Variants in TMPRSS6 observed in about 807,000 individuals in gnomAD.
TMPRSS6 encodes transmembrane protease serine 6.
In TMPRSS6, 67 loss-of-function variants were observed where a neutral mutation model predicts 101.5. That is an observed-to-expected ratio of 0.66 (90% CI 0.54 to 0.81). TMPRSS6 has a LOEUF of 0.81. Among genes scored for constraint, TMPRSS6 ranks in the 30% least tolerant of loss-of-function variants. The pLI is 0.00. For missense variants in TMPRSS6, 1,034 were observed against 1,088.7 expected (o/e 0.95, Z 0.71); for synonymous variants, 453 against 464.9 (o/e 0.97, Z 0.33).
chr22:37,070,420 C>T (rs956877370), intron 15 of TMPRSS6, 64 bp downstream of exon 15: 7 of 1,599,428 alleles, frequency 4.4e-6, no homozygotes, highest in Non-Finnish European at 6.0e-6. Context: ...ACACAGTGCA[C>T]CTCCCACCGG....
intron 10 of TMPRSS6, among the ~76,000 whole-genome samples, chr22:37,078,179 CT>C (rs61271167): frequency 0.2 from 30,285 of 152,134 alleles, 3,139 homozygotes; most frequent in Non-Finnish European, 0.22. Context: ...TGGGGTGTCC[CT>C]TCCCACAGTC....
At chr22:37,107,083 GTGAA>G (rs1321767991) in intron 1 of TMPRSS6, among the ~76,000 whole-genome samples, 1 of 152,268 alleles carries the variant, frequency 6.6e-6, no homozygotes, top group African/African-American at 2.4e-5. Context: ...GAAAGAATGA[GTGAA>G]TGAAACTGCC....
chr22:37,071,601 C>T (rs1031198518), intron 13 of TMPRSS6, among the ~76,000 whole-genome samples: 2 of 152,244 alleles, frequency 1.3e-5, no homozygotes, highest in Non-Finnish European at 2.9e-5. Context: ...TCATATCCTC[C>T]TACTAACAGA....
intron 2 of TMPRSS6, 129 bp from the exon 3 acceptor site, chr22:37,098,678 C>T: frequency 3.3e-6 from 4 of 1,195,326 alleles, no homozygotes; most frequent in Non-Finnish European, 1.2e-6. Context: ...ATGGCACCAT[C>T]AATGTCATCA....
chr22:37,074,135 T>A (rs1927400351), intron 12 of TMPRSS6, among the ~76,000 whole-genome samples: 1 of 152,218 alleles, frequency 6.6e-6, no homozygotes, highest in African/African-American at 2.4e-5. Context: ...AGGTGACTTG[T>A]CCAAGGTCAC....
chr22:37,079,015 A>AAGAG (rs755535186), intron 10 of TMPRSS6, among the ~76,000 whole-genome samples: 15 of 131,014 alleles, frequency 1.1e-4, no homozygotes, highest in African/African-American at 3.6e-4. Context: ...GAAAGAAAGA[A>AAGAG]AGAGAAAGAG....
chr22:37,069,171 G>A lies in TMPRSS6; in HGVS notation c.2015C>T (p.Ser672Leu). 2.5e-6 allele frequency: 4 copies of A among 1,588,034 alleles called. No individual in the cohort carries two copies. Among genetic ancestry groups the A allele is most frequent in the South Asian group, 1.1e-5 (1 of 87,632 alleles). Residue 672 changes from serine (S) to leucine (L), a missense_variant, in exon 16 of 18, where the codon TCG (serine) becomes TTG (leucine). By Grantham distance (145) the Ser-to-Leu change is moderately radical (BLOSUM62 -2). Transcript: ENST00000676104. The surrounding 1 kb of genome is among the most constrained non-coding windows in gnomAD (Gnocchi z 4.8). ...LLQLDHPVVRSAAVRPVCLPA... is the reference protein window; with the variant it reads ...LLQLDHPVVRLAAVRPVCLPA... The stretch of plus-strand genomic sequence containing the variant: ...CAGGCAGACGGGGCGCACGGCGGCC[G>A]AGCGCACCACCGGGTGGTCGAGCTG...
At chr22:37,089,544 G>GGCCCACCAC in intron 7 of TMPRSS6, 34 bp downstream of exon 7, 2 of 1,348,864 alleles carry the variant, frequency 1.5e-6, no homozygotes, top group Non-Finnish European at 2.1e-6. Context: ...CCCTTTTCCA[G>GGCCCACCAC]CCCTCCCTCC....
intron 3 of TMPRSS6, 34 bp from the exon 4 acceptor site, chr22:37,096,749 C>G: frequency 1.3e-6 from 2 of 1,553,120 alleles, no homozygotes; most frequent in Non-Finnish European, 8.7e-7. Flanking sequence ...CCCTGGGACC[C>G]TCTGCAGGGC....
In TMPRSS6 at chr22:37,086,357, G is replaced by T; in HGVS notation, c.899C>A (p.Ala300Glu). The change falls in exon 8 of 18, where the codon GCG becomes GAG. Residue 300 changes from alanine (A) to glutamate (E), a missense_variant. Coordinates refer to ENST00000676104, the MANE Select transcript of TMPRSS6 (RefSeq NM_001374504.1). Reference sequence around the variant, plus strand: ...GTGCAGGCCCTTCTTCCAGACGACCGCCATGATGGCCCCCGACGCCAGAAC... The same window carrying T: ...GTGCAGGCCCTTCTTCCAGACGACCTCCATGATGGCCCCCGACGCCAGAAC... Reference protein sequence around the residue: ...VEVLASGAIMAVVWKKGLHSY... With the variant: ...VEVLASGAIMEVVWKKGLHSY... 1 of 1,612,912 alleles carries T rather than the reference G, an allele frequency of 6.2e-7. No homozygotes were observed.
chr22:37,098,565 C>A lies in TMPRSS6; in HGVS notation c.203-16G>T. ...GCCTTGTACCCTGCCCAGGAAGGAA[C>A]CAGCAGGGTTAGTGGAGGAAGCAGG... On this transcript the variant is annotated splice_polypyrimidine_tract_variant and intron_variant, in intron 2 of 17. Coordinates refer to ENST00000676104, the MANE Select transcript of TMPRSS6 (RefSeq NM_001374504.1). 2 of 1,614,112 alleles carry A rather than the reference C, an allele frequency of 1.2e-6. No individual in the cohort carries two copies. Among genetic ancestry groups the A allele is most frequent in the Non-Finnish European group, 1.7e-6 (2 of 1,180,002 alleles).
At chr22:37,072,066 T>TTGGA (rs1305770305) in intron 13 of TMPRSS6, among the ~76,000 whole-genome samples, 1 of 120,842 alleles carries the variant, frequency 8.3e-6, no homozygotes, top group Non-Finnish European at 1.8e-5. Flanking sequence ...TGATGGATGG[T>TTGGA]TGGATGGATG....
chr22:37,086,024 G>A (rs986348371), intron 8 of TMPRSS6, among the ~76,000 whole-genome samples: 2 of 151,576 alleles, frequency 1.3e-5, no homozygotes, highest in Non-Finnish European at 2.9e-5. Flanking sequence ...AGAAAGAGGA[G>A]GGAAGCAAGG....
rs1281977962 is a variant in TMPRSS6 at position 37,069,429 on chromosome 22, C to T, written c.1842-85G>A. 3.8e-6 allele frequency: 5 copies of T among 1,327,652 alleles called. No individual in the cohort carries two copies. The South Asian group carries it at 5.5e-5, about 15-fold the overall frequency. The allele number at this position is 1,327,652 out of a possible 1,614,324, so 82.2% of individuals were successfully genotyped here. A position where few individuals can be genotyped will look rare whatever the true frequency, so the allele number is the denominator to read the frequency against. ...CCCCATCCAGGGACCCTCAAGATAG[C>T]CAGATCCCCGCCCGGGACAGTGCCC... On this transcript the variant is annotated intron_variant, in intron 15 of 17. Coordinates refer to ENST00000676104, the MANE Select transcript of TMPRSS6 (RefSeq NM_001374504.1). The surrounding 1 kb of genome is among the most constrained non-coding windows in gnomAD (Gnocchi z 4.8).
chr22:37,095,217 T>C (rs949815130), intron 6 of TMPRSS6, among the ~76,000 whole-genome samples: 1 of 152,208 alleles, frequency 6.6e-6, no homozygotes, highest in African/African-American at 2.4e-5. Flanking sequence ...CAGTGGAAAC[T>C]AGCTTGTGGG....
chr22:37,069,154 C>T lies in TMPRSS6; in HGVS notation c.2032G>A (p.Val678Ile), dbSNP rs370962659. ...PVVRSAAVRPVCLPARSHFFE... is the reference protein window; with the variant it reads ...PVVRSAAVRPICLPARSHFFE... ...AAGTGGGAGCGCGCGGGCAGGCAGA[C>T]GGGGCGCACGGCGGCCGAGCGCACC... Residue 678 changes from valine to isoleucine, a missense_variant, in exon 16 of 18, where the codon GTC becomes ATC. By Grantham distance (29) the Val-to-Ile change is conservative. Transcript: ENST00000676104. The surrounding 1 kb of genome is among the most constrained non-coding windows in gnomAD (Gnocchi z 4.8). 102 of 1,577,632 alleles carry T rather than the reference C, an allele frequency of 6.5e-5. No individual in the cohort carries two copies. Among genetic ancestry groups the T allele is most frequent in the Non-Finnish European group, 8.2e-5 (95 of 1,163,210 alleles).
intron 10 of TMPRSS6, among the ~76,000 whole-genome samples, chr22:37,076,079 AAGAAAG>A: frequency 6.6e-6 from 1 of 152,118 alleles, no homozygotes; most frequent in South Asian, 2.1e-4. Context: ...AAAGAAAAGA[AAGAAAG>A]AGAAAGAAAG....
intron 16 of TMPRSS6, among the ~76,000 whole-genome samples, chr22:37,068,098 T>G (rs1383644199): frequency 2.6e-5 from 4 of 152,180 alleles, no homozygotes; most frequent in Non-Finnish European, 5.9e-5. Context: ...TCTCCACTGT[T>G]CCTGCATCTC....
At chr22:37,094,037 C>T (rs1342568082) in intron 6 of TMPRSS6, among the ~76,000 whole-genome samples, 1 of 151,032 alleles carries the variant, frequency 6.6e-6, no homozygotes, top group Non-Finnish European at 1.5e-5. Context: ...ATATATATGT[C>T]ATTCTTGGCT....
Sources: gnomAD v4.1 joint callset for allele counts (sites outside exome capture counted in the v4.1 genomes callset) on GRCh38, gnomAD v4.1.1 for gene constraint, Gnocchi (gnomAD v3.1) non-coding constraint, MANE v1.5 for transcripts, NCBI Gene and HGNC (gene_info 2026-07-23, HGNC 2026-07-21) for gene names.